SOX13: variants seen among roughly 807,000 people sequenced by gnomAD.
SOX13 encodes transcription factor SOX-13.
In SOX13, 28 loss-of-function variants were observed where a neutral mutation model predicts 71.8. The observed-to-expected ratio is 0.39, with a 90% CI of 0.29 to 0.53. The LOEUF is 0.53. Ranked by LOEUF, SOX13 falls within the 20% of genes least tolerant of loss-of-function variation. SOX13 has a pLI of 0.70. For missense variants in SOX13, 627 were observed against 810.3 expected (o/e 0.77, Z 2.75); for synonymous variants, 309 against 317.8 (o/e 0.97, Z 0.29).
chr1:204,099,389 T>C (rs911683355), intron 1 of SOX13, among the ~76,000 whole-genome samples: 6 of 150,808 alleles, frequency 4.0e-5, no homozygotes, highest in Non-Finnish European at 8.9e-5. Context: ...CTGCCTGGGC[T>C]CAAATCATGT....
At chr1:204,080,072 G>A (rs12117788) in intron 1 of SOX13, among the ~76,000 whole-genome samples, 13,559 of 152,178 alleles carry the variant, frequency 0.089, 759 homozygotes, top group Non-Finnish European at 0.12. Context: ...GTGTGGCATA[G>A]TAGAGGAAAA....
Position 204,126,038 on chromosome 1 carries a change from C to T in SOX13, c.1773C>T (p.His591=). Residue 591 remains histidine (H), a synonymous_variant, in exon 14 of 14, where the codon CAC becomes CAT. Transcript: ENST00000367204. ...REEGEGTDDR[H]SVADGEMYRY... is the part of the protein sequence containing the mutation. ...AGGGTGAGGGCACAGATGACAGGCA[C>T]TCGGTGGCTGATGGCGAGATGTACC... The T allele has an allele frequency of 6.2e-7, 1 of 1,614,000 alleles. No individual in the cohort carries two copies. Among genetic ancestry groups the T allele is most frequent in the Non-Finnish European group, 8.5e-7 (1 of 1,179,884 alleles).
At chr1:204,124,922 T>C in intron 13 of SOX13, 65 bp downstream of exon 13, 1 of 1,210,998 alleles carries the variant, frequency 8.3e-7, no homozygotes, top group South Asian at 1.3e-5. Flanking sequence ...CATGAGTGGC[T>C]GGGTGTCAGT....
intron 1 of SOX13, among the ~76,000 whole-genome samples, chr1:204,106,784 C>T (rs1370790740): frequency 5.9e-5 from 9 of 152,062 alleles, no homozygotes; most frequent in African/African-American, 1.5e-4. Context: ...GGATTACAGC[C>T]GTGAGCCATC....
chr1:204,091,523 C>T (rs1035287963), intron 1 of SOX13, among the ~76,000 whole-genome samples: 2 of 152,168 alleles, frequency 1.3e-5, no homozygotes, highest in Admixed American at 1.3e-4. Context: ...GTGAGGGGAT[C>T]AGACCCCACC....
At chr1:204,100,841 C>T (rs1242056543) in intron 1 of SOX13, among the ~76,000 whole-genome samples, 1 of 152,170 alleles carries the variant, frequency 6.6e-6, no homozygotes, top group African/African-American at 2.4e-5. Flanking sequence ...CCACCAAGAA[C>T]CCCTGGGATG....
chr1:204,121,551 G>A (rs1656806475), intron 7 of SOX13, among the ~76,000 whole-genome samples: 1 of 152,202 alleles, frequency 6.6e-6, no homozygotes, highest in Admixed American at 6.5e-5. Context: ...AGCCGCTTTT[G>A]TGCCCTGTGC....
intron 1 of SOX13, among the ~76,000 whole-genome samples, chr1:204,107,735 C>T (rs553711907): frequency 3.9e-5 from 6 of 152,228 alleles, no homozygotes; most frequent in Admixed American, 2.6e-4. Flanking sequence ...CCATTGGGGG[C>T]GGGGTGGCAT....
intron 1 of SOX13, among the ~76,000 whole-genome samples, chr1:204,085,873 G>T (rs961346996): frequency 1.3e-5 from 2 of 151,714 alleles, no homozygotes; most frequent in Non-Finnish European, 2.9e-5. Flanking sequence ...CCAGCTACTC[G>T]GGAGGCTGAG....
At chr1:204,076,558 C>G (rs1655789871) in intron 1 of SOX13, among the ~76,000 whole-genome samples, 1 of 152,162 alleles carries the variant, frequency 6.6e-6, no homozygotes, top group Non-Finnish European at 1.5e-5. Context: ...GTCACAAGTT[C>G]CTTGTCTGAT....
At position 204,091,713 on chromosome 1, in the gene SOX13, G is replaced by A. The variant is rs1044444334; in HGVS notation, c.-2+18002G>A. On this transcript the variant is annotated intron_variant, in intron 1 of 13. Transcript: ENST00000367204. Reference sequence around the variant, plus strand: ...TCTGGCAAATAACAGAACTTTTTTCGTTTTCTTTGTGTGCGTGTGCGTGTG... The same window carrying A: ...TCTGGCAAATAACAGAACTTTTTTCATTTTCTTTGTGTGCGTGTGCGTGTG... Among the ~76,000 whole-genome samples, 5 of 145,310 alleles carry A rather than the reference G, an allele frequency of 3.4e-5. No homozygotes were observed. The East Asian group carries it at 8.1e-4, about 24-fold the overall frequency.
At chr1:204,080,363 G>C (rs1655877860) in intron 1 of SOX13, among the ~76,000 whole-genome samples, 1 of 152,216 alleles carries the variant, frequency 6.6e-6, no homozygotes, top group South Asian at 2.1e-4. Flanking sequence ...GTCCAAGCTA[G>C]GGTGTCAGTG....
chr1:204,123,699 A>G lies in SOX13; in HGVS notation c.1270A>G (p.Ile424Val). Residue 424 changes from isoleucine to valine, a missense_variant, in exon 12 of 14, where the codon ATC becomes GTC. Coordinates refer to ENST00000367204, the MANE Select transcript of SOX13 (RefSeq NM_005686.3). The surrounding 1 kb of genome is among the most constrained non-coding windows in gnomAD (Gnocchi z 5.0). ...CCCCGAGTCCCGAAACAGCAGCCAC[A>G]TCAAGAGGCCCATGAACGCCTTCAT... ...HFPESRNSSH[I>V]KRPMNAFMVW... 1.9e-6 allele frequency: 3 copies of G among 1,614,142 alleles called. No homozygotes were observed. Among genetic ancestry groups the G allele is most frequent in the Non-Finnish European group, 2.5e-6 (3 of 1,180,014 alleles).
chr1:204,093,107 ATAGGGACG>A, intron 1 of SOX13, among the ~76,000 whole-genome samples: 1 of 152,292 alleles, frequency 6.6e-6, no homozygotes, highest in East Asian at 1.9e-4. Flanking sequence ...GTGTATCAGC[ATAGGGACG>A]TGGGGACGTG....
chr1:204,121,982 G>C lies in SOX13; in HGVS notation c.858G>C (p.Leu286=). The change falls in exon 8 of 14, where the codon CTG becomes CTC. Residue 286 remains leucine, a synonymous_variant. Coordinates refer to ENST00000367204, the MANE Select transcript of SOX13 (RefSeq NM_005686.3). The stretch of plus-strand genomic sequence containing the variant: ...GGGCCATGGCCACCCACCACCCCCT[G>C]CAGGTACCGCCCTCTACCCACTGGC... The part of the protein sequence containing the change: ...RPGAMATHHP[L]QEPSQPLNLT... The C allele has an allele frequency of 1.2e-6, 2 of 1,601,230 alleles. No homozygotes were observed. The highest frequency in any genetic ancestry group is 1.7e-6 in the Non-Finnish European group (2 of 1,169,036).
chr1:204,115,547 G>A (rs2102257567), intron 4 of SOX13, among the ~76,000 whole-genome samples: 1 of 141,310 alleles, frequency 7.1e-6, no homozygotes, highest in African/African-American at 2.6e-5. Context: ...ATAAACTGCT[G>A]CATCAGACAG....
Position 204,123,179 on chromosome 1 carries a change from A to T in SOX13, c.1202A>T (p.Glu401Val). The T allele has an allele frequency of 4.3e-6, 7 of 1,613,600 alleles. No homozygotes were observed. The highest frequency in any genetic ancestry group is 5.9e-6 in the Non-Finnish European group (7 of 1,179,696). ...GAGGACGGCTGTGTGCACCCACTGG[A>T]GGAAGCCATGCTGAGCTGCGACATG... is the stretch of plus-strand genomic sequence containing the variant. ...RLEDGCVHPL[E>V]EAMLSCDMDG... The change falls in exon 11 of 14, where the codon GAG (glutamate) becomes GTG (valine). Residue 401 changes from glutamate (E) to valine (V), a missense_variant. Physicochemically the swap from Glu to Val is moderately radical, Grantham distance 121. Transcript: ENST00000367204. This position sits in a 1 kb window ranked among gnomAD's most constrained non-coding sequence, Gnocchi z 5.0.
At chr1:204,090,438 T>G (rs1656118969) in intron 1 of SOX13, among the ~76,000 whole-genome samples, 1 of 144,870 alleles carries the variant, frequency 6.9e-6, no homozygotes, top group Non-Finnish European at 1.5e-5. Flanking sequence ...AGATGTAGTC[T>G]CACTCTGTCA....
chr1:204,122,014 C>T (rs918630941), intron 8 of SOX13, 29 bp downstream of exon 8: 9 of 1,502,840 alleles, frequency 6.0e-6, no homozygotes, highest in African/African-American at 1.4e-5. Flanking sequence ...TGGCCTGGGG[C>T]TCCCTCTCGA....
Sources: gnomAD v4.1 joint callset for allele counts (sites outside exome capture counted in the v4.1 genomes callset) on GRCh38, gnomAD v4.1.1 for gene constraint, Gnocchi (gnomAD v3.1) non-coding constraint, MANE v1.5 for transcripts, NCBI Gene and HGNC (gene_info 2026-07-23, HGNC 2026-07-21) for gene names.